Variants in ANO4 observed in about 807,000 individuals in gnomAD.
The protein encoded by ANO4 is anoctamin 4.
ANO4 carries 69 observed loss-of-function variants against 141.9 expected under a neutral mutation model. The observed-to-expected ratio is 0.49, with a 90% CI of 0.40 to 0.59. The LOEUF is 0.59. Among genes scored for constraint, ANO4 ranks in the 20% least tolerant of loss-of-function variants. ANO4 has a pLI of 0.00. For synonymous variants in ANO4, 350 were observed against 394.3 expected, an observed-to-expected ratio of 0.89 and a Z score of 1.33; for missense variants, 894 against 1,162.2, an observed-to-expected ratio of 0.77 and a Z score of 3.36.
chr12:101,071,795 T>G (rs2048822281), intron 14 of ANO4, among the ~76,000 whole-genome samples: 1 of 152,114 alleles, frequency 6.6e-6, no homozygotes, highest in Non-Finnish European at 1.5e-5. Flanking sequence ...TAGCAGAATA[T>G]CTCATGTACC....
At chr12:101,058,260 T>C (rs1186570417) in intron 14 of ANO4, among the ~76,000 whole-genome samples, 3 of 152,254 alleles carry the variant, frequency 2.0e-5, no homozygotes, top group Non-Finnish European at 1.5e-5. Context: ...TTTTGGTTAC[T>C]GTAGCCTTGT....
chr12:100,991,093 A>G (rs2045078210), intron 8 of ANO4, among the ~76,000 whole-genome samples: 1 of 152,192 alleles, frequency 6.6e-6, no homozygotes, highest in Admixed American at 6.6e-5. Flanking sequence ...AGGCAATTTT[A>G]TCGTGTAAAT....
At chr12:100,990,765 C>T (rs2045059193) in intron 8 of ANO4, among the ~76,000 whole-genome samples, 1 of 152,104 alleles carries the variant, frequency 6.6e-6, no homozygotes, top group Non-Finnish European at 1.5e-5. Context: ...GGATTGATCA[C>T]AAGAGAATGC....
chr12:100,850,101 A>G (rs1417933025), intron 1 of ANO4, among the ~76,000 whole-genome samples: 2 of 152,260 alleles, frequency 1.3e-5, no homozygotes, highest in Non-Finnish European at 2.9e-5. Flanking sequence ...GTGTTTATCT[A>G]TTAAATTAAT....
At chr12:101,104,032 T>C (rs1189021226) in intron 22 of ANO4, among the ~76,000 whole-genome samples, 5 of 152,060 alleles carry the variant, frequency 3.3e-5, no homozygotes. Flanking sequence ...CGTAAAATTG[T>C]TTATATATCT....
chr12:101,039,863 C>A, intron 10 of ANO4, 92 bp from the exon 11 acceptor site: 1 of 1,418,814 alleles, frequency 7.0e-7, no homozygotes, highest in Non-Finnish European at 9.6e-7. Context: ...ACTCCTATCA[C>A]AACACCTGCT....
chr12:100,911,384 G>A (rs77402541), intron 2 of ANO4, among the ~76,000 whole-genome samples: 5,593 of 152,152 alleles, frequency 0.037, 286 homozygotes, highest in African/African-American at 0.11. Flanking sequence ...TCATAAAAAA[G>A]CCTTAGAAAA....
chr12:100,917,864 T>A (rs199806498), intron 2 of ANO4, among the ~76,000 whole-genome samples: 1 of 152,208 alleles, frequency 6.6e-6, no homozygotes, highest in Admixed American at 6.5e-5. Flanking sequence ...TTATACATTT[T>A]AAAAAATTAC....
At chr12:101,080,639 C>G (rs2049206795) in intron 15 of ANO4, among the ~76,000 whole-genome samples, 2 of 151,622 alleles carry the variant, frequency 1.3e-5, no homozygotes, top group Admixed American at 1.3e-4. Context: ...CCAGCCTGGC[C>G]AATATGGTGA....
chr12:101,056,007 A>T (rs1459279670), intron 14 of ANO4, among the ~76,000 whole-genome samples: 2 of 152,076 alleles, frequency 1.3e-5, no homozygotes, highest in African/African-American at 4.8e-5. Flanking sequence ...AATTTTTATT[A>T]TGTTTGATGT....
chr12:100,906,254 T>A (rs1300095024), intron 2 of ANO4, among the ~76,000 whole-genome samples: 1 of 152,042 alleles, frequency 6.6e-6, no homozygotes, highest in Non-Finnish European at 1.5e-5. Flanking sequence ...ATGATAGTGA[T>A]TCATTTTGTG....
At chr12:100,828,753 A>G (rs2036491269) in intron 1 of ANO4, among the ~76,000 whole-genome samples, 1 of 152,064 alleles carries the variant, frequency 6.6e-6, no homozygotes, top group East Asian at 1.9e-4. Context: ...CCAACTTCAT[A>G]TAGCTTATCA....
At chr12:100,965,515 G>A (rs2136248088) in intron 5 of ANO4, among the ~76,000 whole-genome samples, 1 of 152,164 alleles carries the variant, frequency 6.6e-6, no homozygotes, top group South Asian at 2.1e-4. Flanking sequence ...TATTGGCCTT[G>A]GAAAATAAAT....
chr12:100,996,917 A>G (rs2045404876), intron 8 of ANO4, among the ~76,000 whole-genome samples: 1 of 142,610 alleles, frequency 7.0e-6, no homozygotes, highest in Non-Finnish European at 1.5e-5. Flanking sequence ...CAACTCCTTC[A>G]TTCCAGGGTT....
intron 3 of ANO4, among the ~76,000 whole-genome samples, chr12:100,937,407 G>A (rs970479032): frequency 6.6e-6 from 1 of 152,174 alleles, no homozygotes; most frequent in Non-Finnish European, 1.5e-5. Flanking sequence ...ATGGGAGGGA[G>A]ATCTTTTTAC....
chr12:100,726,547 A>G (rs940238452), intron 1 of ANO4, among the ~76,000 whole-genome samples: 20 of 152,216 alleles, frequency 1.3e-4, no homozygotes, highest in African/African-American at 3.1e-4. Flanking sequence ...TGAGACTGCA[A>G]ATCATTTGGA....
At chr12:100,869,647 G>C (rs1198901317) in intron 1 of ANO4, among the ~76,000 whole-genome samples, 1 of 152,170 alleles carries the variant, frequency 6.6e-6, no homozygotes, top group Admixed American at 6.5e-5. Context: ...TCTGCCGTGG[G>C]ACTCTGGAAA....
At chr12:100,862,707 A>G (rs1227186787) in intron 1 of ANO4, among the ~76,000 whole-genome samples, 1 of 152,184 alleles carries the variant, frequency 6.6e-6, no homozygotes, top group East Asian at 1.9e-4. Context: ...AGGTTTGTTC[A>G]CATCAGTATC....
At chr12:101,120,727 T>C in intron 26 of ANO4, 102 bp downstream of exon 26, 1 of 904,494 alleles carries the variant, frequency 1.1e-6, no homozygotes, top group Non-Finnish European at 1.8e-6. Context: ...TGATTATCTA[T>C]ATTTCCAGAA....
Sources: allele counts gnomAD v4.1 joint callset (sites outside exome capture counted in the v4.1 genomes callset), GRCh38; gene constraint gnomAD v4.1.1; transcripts MANE v1.5; gene names NCBI Gene and HGNC (gene_info 2026-07-23, HGNC 2026-07-21).